WFDC1: variants seen among roughly 807,000 people sequenced by gnomAD.
The protein encoded by WFDC1 is WAP four-disulfide core domain 1, also known as WAP four-disulfide core domain protein 1.
Under a neutral mutation model 32.9 loss-of-function variants are expected in WFDC1, and 39 were observed. The observed-to-expected ratio is 1.19, with a 90% CI of 0.92 to 1.55. The LOEUF (loss-of-function observed/expected upper bound fraction) is 1.55. WFDC1 is among the 40% of genes most tolerant of loss of function. The pLI is 0.00. For synonymous variants in WFDC1, 184 were observed against 137.4 expected (o/e 1.34, Z -2.37); for missense variants, 386 against 309.5 (o/e 1.25, Z -1.85).
At chr16:84,304,814 A>G (rs977430085) in intron 1 of WFDC1, among the ~76,000 whole-genome samples, 1 of 152,200 alleles carries the variant, frequency 6.6e-6, no homozygotes, top group African/African-American at 2.4e-5. Context: ...GGGGGCCAGG[A>G]CAAATGTGTA....
chr16:84,328,405 C>G (rs1016210789), intron 6 of WFDC1: 1 of 152,198 alleles, frequency 6.6e-6, no homozygotes, highest in Non-Finnish European at 1.5e-5. Context: ...AAAGGAGCCC[C>G]TAAAAGCAGG....
intron 1 of WFDC1, among the ~76,000 whole-genome samples, chr16:84,298,994 G>T (rs2042436): frequency 0.081 from 12,369 of 152,220 alleles, 587 homozygotes; most frequent in South Asian, 0.17. Context: ...AGACCATAGA[G>T]CCCACAGTTC....
At chr16:84,322,401 A>G (rs374567010) in intron 4 of WFDC1, among the ~76,000 whole-genome samples, 31 of 152,174 alleles carry the variant, frequency 2.0e-4, no homozygotes, top group Admixed American at 5.9e-4. Context: ...TCCCAGCCTT[A>G]CCAAGGAAGA....
At chr16:84,304,429 T>C (rs1907126343) in intron 1 of WFDC1, among the ~76,000 whole-genome samples, 1 of 152,130 alleles carries the variant, frequency 6.6e-6, no homozygotes, top group African/African-American at 2.4e-5. Flanking sequence ...GGTTTCACCA[T>C]ATTGGCCAGG....
chr16:84,298,476 T>C (rs1042758354), intron 1 of WFDC1, among the ~76,000 whole-genome samples: 20 of 152,216 alleles, frequency 1.3e-4, no homozygotes, highest in African/African-American at 4.8e-4. Context: ...TGGGGTTTTA[T>C]GTCTTTTGCA....
chr16:84,323,531 T>C (rs1908422946), intron 4 of WFDC1, among the ~76,000 whole-genome samples: 1 of 152,224 alleles, frequency 6.6e-6, no homozygotes, highest in African/African-American at 2.4e-5. Flanking sequence ...AAGATAGAAT[T>C]TTCATACGGC....
intron 2 of WFDC1, among the ~76,000 whole-genome samples, chr16:84,315,304 G>C (rs769392912): frequency 6.6e-6 from 1 of 152,078 alleles, no homozygotes; most frequent in Non-Finnish European, 1.5e-5. Flanking sequence ...CTCCATCCCT[G>C]TTTAATTTTT....
intron 1 of WFDC1, among the ~76,000 whole-genome samples, chr16:84,312,600 A>G (rs1597678615): frequency 1.3e-5 from 2 of 152,316 alleles, no homozygotes; most frequent in South Asian, 2.1e-4. Context: ...ACGTATATGT[A>G]TACATGCAGA....
At chr16:84,312,862 A>C (rs1907715723) in intron 1 of WFDC1, 99 bp from the exon 2 acceptor site, 1 of 717,146 alleles carries the variant, frequency 1.4e-6, no homozygotes, top group South Asian at 6.7e-5. Context: ...ACGCAGGCTC[A>C]GAGAGGCCCG....
At position 84,313,119 on chromosome 16, in the gene WFDC1, C is replaced by T; in HGVS notation, c.303C>T (p.Ala101=). The T allele has an allele frequency of 6.9e-7, 1 of 1,445,124 alleles. No homozygotes were observed. The highest frequency in any genetic ancestry group is 9.0e-7 in the Non-Finnish European group (1 of 1,108,028). 89.5% of individuals were successfully genotyped at this position (1,445,124 alleles called of 1,614,324 possible). A position where few individuals can be genotyped will look rare whatever the true frequency, so the allele number is the denominator to read the frequency against. The change falls in exon 2 of 7, where the codon GCC becomes GCT. Residue 101 remains alanine, a synonymous_variant. Transcript: ENST00000219454. The part of the protein sequence containing the change: ...RHRRCCYNGC[A]YACLEAVPPP... ...GGCGCTGCTGCTACAACGGATGCGC[C>T]TACGCCTGCCTAGAAGCTGTGCCGC...
At chr16:84,297,540 C>A (rs1163775366) in intron 1 of WFDC1, among the ~76,000 whole-genome samples, 1 of 145,766 alleles carries the variant, frequency 6.9e-6, no homozygotes, top group Non-Finnish European at 1.5e-5. Context: ...TTGCTTGAAC[C>A]CGGGAGGTGG....
chr16:84,324,574 G>A lies in WFDC1; in HGVS notation c.604+114G>A, dbSNP rs1597695944. 5.7e-6 allele frequency: 7 copies of A among 1,218,042 alleles called. No homozygotes were observed. In the East Asian group the frequency reaches 1.6e-4, roughly 29 times the overall value. 75.5% of individuals were successfully genotyped at this position (1,218,042 alleles called of 1,614,324 possible). A position where few individuals can be genotyped will look rare whatever the true frequency, so the allele number is the denominator to read the frequency against. On this transcript the variant is annotated intron_variant, in intron 5 of 6. Transcript: ENST00000219454. ...GGCTGAGATATAGGGAACAAAATGG[G>A]ACCTGGGATTAAGAAACAAAATAGA...
In WFDC1 at chr16:84,313,082, G is replaced by A; in HGVS notation, c.266G>A (p.Cys89Tyr). 1 of 1,425,164 alleles carries A rather than the reference G, an allele frequency of 7.0e-7. No homozygotes were observed. The highest frequency in any genetic ancestry group is 1.5e-5 in the South Asian group (1 of 68,850). The allele number at this position is 1,425,164 out of a possible 1,614,324, so 88.3% of individuals were successfully genotyped here. Reference protein sequence around the residue: ...QAARCQADSECPRHRRCCYNG... With the variant: ...QAARCQADSEYPRHRRCCYNG... ...GCGCGCTGTCAGGCGGACTCCGAGT[G>A]CCCGCGGCACCGGCGCTGCTGCTAC... is the stretch of plus-strand genomic sequence containing the variant. Residue 89 changes from cysteine (C) to tyrosine (Y), a missense_variant, in exon 2 of 7, where the codon TGC becomes TAC. Cys to Tyr is a radical substitution (Grantham distance 194). Coordinates refer to ENST00000219454, the MANE Select transcript of WFDC1 (RefSeq NM_021197.4).
intron 1 of WFDC1, among the ~76,000 whole-genome samples, chr16:84,312,398 GA>G (rs1907684453): frequency 6.6e-6 from 1 of 152,006 alleles, no homozygotes; most frequent in Non-Finnish European, 1.5e-5. Context: ...AATATAAGTG[GA>G]ATCCCACTGT....
intron 1 of WFDC1, among the ~76,000 whole-genome samples, chr16:84,312,554 G>T (rs976073011): frequency 1.1e-4 from 16 of 151,988 alleles, no homozygotes; most frequent in Non-Finnish European, 2.1e-4. Context: ...CCACACATAT[G>T]TACATATACA....
intron 1 of WFDC1, among the ~76,000 whole-genome samples, chr16:84,301,705 C>T (rs181736094): frequency 2.6e-5 from 4 of 152,252 alleles, no homozygotes; most frequent in African/African-American, 9.6e-5. Context: ...GGCTTGGCCA[C>T]ACCCTGGTGT....
At chr16:84,301,555 CAGT>C in intron 1 of WFDC1, among the ~76,000 whole-genome samples, 1 of 152,222 alleles carries the variant, frequency 6.6e-6, no homozygotes, top group East Asian at 1.9e-4. Context: ...AGCGGGTGCT[CAGT>C]AGGCTCCGGA....
intron 1 of WFDC1, among the ~76,000 whole-genome samples, chr16:84,298,686 C>T (rs539623221): frequency 2.6e-5 from 4 of 152,334 alleles, no homozygotes; most frequent in South Asian, 4.1e-4. Context: ...CTCTCAAAGC[C>T]TCGTCCCCCG....
intron 5 of WFDC1, 160 bp from the exon 6 acceptor site, chr16:84,326,722 G>A: frequency 1.4e-6 from 1 of 715,468 alleles, no homozygotes; most frequent in South Asian, 1.7e-5. Context: ...GCCTGGGGAG[G>A]GAGAGGAGGC....
Sources: allele counts gnomAD v4.1 joint callset (sites outside exome capture counted in the v4.1 genomes callset), GRCh38; gene constraint gnomAD v4.1.1; transcripts MANE v1.5; gene names NCBI Gene and HGNC (gene_info 2026-07-23, HGNC 2026-07-21).